MROH1: variants seen among roughly 807,000 people sequenced by gnomAD.
MROH1 encodes the protein maestro heat like repeat family member 1, also known as maestro heat-like repeat-containing protein family member 1.
A neutral mutation model predicts 116.5 loss-of-function variants in MROH1; 117 were observed. The observed-to-expected ratio is 1.00, with a 90% CI of 0.86 to 1.17. The LOEUF (loss-of-function observed/expected upper bound fraction) is 1.17, where lower values mean the gene tolerates loss of function less well. MROH1 is among the 50% of genes most tolerant of loss of function. MROH1 has a pLI of 0.00. For missense variants in MROH1, 1,873 were observed against 1,338.5 expected (o/e 1.40, Z -6.23); for synonymous variants, 921 against 583.9 (o/e 1.58, Z -8.32).
intron 12 of MROH1, 53 bp from the exon 13 acceptor site, chr8:144,220,547 C>G (rs1836488781): frequency 6.6e-7 from 1 of 1,516,028 alleles, no homozygotes; most frequent in South Asian, 1.2e-5. Context: ...TGGAATGGAC[C>G]TTGAGGTCCT....
chr8:144,172,424 T>TC (rs1236238811), intron 4 of MROH1, among the ~76,000 whole-genome samples: 46 of 151,460 alleles, frequency 3.0e-4, no homozygotes, highest in African/African-American at 7.3e-4. Flanking sequence ...TTTTTTTTTT[T>TC]CCCCCGAGAG....
intron 7 of MROH1, among the ~76,000 whole-genome samples, chr8:144,186,598 T>A (rs1827243197): frequency 6.6e-6 from 1 of 152,180 alleles, no homozygotes; most frequent in African/African-American, 2.4e-5. Flanking sequence ...CGAAGCAGAT[T>A]CCTATCACCT....
chr8:144,175,687 C>A, intron 4 of MROH1: 1 of 529,964 alleles, frequency 1.9e-6, no homozygotes, highest in Non-Finnish European at 2.4e-6. Flanking sequence ...ACTTTGGGAG[C>A]CTGAGACAAG....
Position 144,223,268 on chromosome 8 carries a change from G to A in MROH1, c.1338+38G>A, listed in dbSNP as rs72614052. 6,130 of 1,561,286 alleles carry A rather than the reference G, an allele frequency of 3.9e-3. 265 individuals are homozygous for A. The East Asian group carries it at 0.1, about 26-fold the overall frequency. ...CACCTTGCCTGCCTCCTAGGCCCAC[G>A]CTGCCCCTGGCCTGTGTTAGGCACT... On this transcript the variant is annotated intron_variant, in intron 14 of 43. Coordinates refer to ENST00000326134, the MANE Select transcript of MROH1 (RefSeq NM_032450.3).
rs926305573 is a variant in MROH1 at position 144,243,502 on chromosome 8, C to G, written c.2361C>G (p.Ala787=). 1 of 779,668 alleles carries G rather than the reference C, an allele frequency of 1.3e-6. No individual in the cohort carries two copies. The highest frequency in any genetic ancestry group is 2.4e-6 in the Non-Finnish European group (1 of 417,830). 48.3% of individuals were successfully genotyped at this position (779,668 alleles called of 1,614,324 possible). A position where few individuals can be genotyped will look rare whatever the true frequency, so the allele number is the denominator to read the frequency against. Residue 787 remains alanine (A), a synonymous_variant, in exon 25 of 44, where the codon GCC becomes GCG. Coordinates refer to ENST00000326134, the MANE Select transcript of MROH1 (RefSeq NM_032450.3). ...GCCCTGCGTCCCTGCAGGACCCAGC[C>G]CTGAAGCTGTGCCTTGTCCAGAGTG... ...LGIKVETKDP[A]LKLCLVQSVC...
In MROH1 at chr8:144,248,757, C is replaced by G. The variant is rs1037878211; in HGVS notation, c.3121-120C>G. 3.5e-3 allele frequency: 2,469 copies of G among 702,980 alleles called. 42 individuals carry two copies. The African/African-American group carries it at 0.038, about 11-fold the overall frequency. The allele number at this position is 702,980 out of a possible 1,614,324, so 43.5% of individuals were successfully genotyped here. ...GGCGCAGGGCCCAGCGGCTGGGGCC[C>G]GGCTGCAAGAAGGGGTGTGGCTTCC... On this transcript the variant is annotated intron_variant, in intron 31 of 43. Coordinates refer to ENST00000326134, the MANE Select transcript of MROH1 (RefSeq NM_032450.3).
In MROH1 at chr8:144,254,990, T is replaced by G; in HGVS notation, c.3594+12T>G. On this transcript the variant is annotated intron_variant, in intron 34 of 43. Transcript: ENST00000326134. ...TGCTGCCTCTCTCGGTGAGTCGGGC[T>G]CTCGGGGCCACCTTGACACGCTGTC... 1.3e-6 allele frequency: 1 copy of G among 743,980 alleles called. No homozygotes were observed. The highest frequency in any genetic ancestry group is 1.4e-5 in the South Asian group (1 of 70,244). 46.1% of individuals were successfully genotyped at this position (743,980 alleles called of 1,614,324 possible).
At position 144,180,505 on chromosome 8, in the gene MROH1, C is replaced by G. The variant is rs888347234; in HGVS notation, c.544C>G (p.Arg182Gly). 6.2e-7 allele frequency: 1 copy of G among 1,610,876 alleles called. No homozygotes were observed. The highest frequency in any genetic ancestry group is 8.5e-7 in the Non-Finnish European group (1 of 1,179,768). The part of the protein sequence containing the change: ...VLGVAKQDTV[R>G]VAFCSALQRF... Reference sequence around the variant, plus strand: ...GGGCGTGGCCAAGCAGGACACGGTGCGCGTGGCCTTCTGCTCCGGTAAGAG... The same window carrying G: ...GGGCGTGGCCAAGCAGGACACGGTGGGCGTGGCCTTCTGCTCCGGTAAGAG... The change falls in exon 7 of 44, where the codon CGC (arginine) becomes GGC (glycine). Residue 182 changes from arginine (R) to glycine (G), a missense_variant. By Grantham distance (125) the Arg-to-Gly change is moderately radical. Transcript: ENST00000326134. The surrounding 1 kb of genome is among the most constrained non-coding windows in gnomAD (Gnocchi z 7.4).
chr8:144,248,951 C>G lies in MROH1; in HGVS notation c.3195C>G (p.Pro1065=), dbSNP rs1451581633. The change falls in exon 32 of 44, where the codon CCC becomes CCG. Residue 1065 remains proline (P), a synonymous_variant. Transcript: ENST00000326134. The part of the protein sequence containing the change: ...LLTMFEALGD[P]EKNCSRAATV... ...CCATGTTTGAGGCCCTGGGAGACCCCGAAAAGAACTGCTCCCGAGCAGCTA... is the reference window on the plus strand; with the variant it reads ...CCATGTTTGAGGCCCTGGGAGACCCGGAAAAGAACTGCTCCCGAGCAGCTA... 2 of 761,720 alleles carry G rather than the reference C, an allele frequency of 2.6e-6. No individual in the cohort carries two copies. Among genetic ancestry groups the G allele is most frequent in the Non-Finnish European group, 4.9e-6 (2 of 408,698 alleles). The allele number at this position is 761,720 out of a possible 1,614,324, so 47.2% of individuals were successfully genotyped here. A position where few individuals can be genotyped will look rare whatever the true frequency, so the allele number is the denominator to read the frequency against.
intron 11 of MROH1, among the ~76,000 whole-genome samples, chr8:144,199,859 C>T (rs375189775): frequency 6.7e-4 from 102 of 152,314 alleles, no homozygotes; most frequent in African/African-American, 2.3e-3. Context: ...TGACTGCAGC[C>T]AGGCTGGGGG....
rs1825198010 is a variant in MROH1 at position 144,180,125 on chromosome 8, G to A, written c.301-53G>A. The A allele has an allele frequency of 6.2e-7, 1 of 1,604,514 alleles. No homozygotes were observed. Among genetic ancestry groups the A allele is most frequent in the Non-Finnish European group, 8.5e-7 (1 of 1,172,864 alleles). ...TGTCCAAGGCTGGCAGCGACTGAGG[G>A]CAGAATGTCTTGGTCTTGCCTTTTG... On this transcript the variant is annotated intron_variant, in intron 5 of 43. Coordinates refer to ENST00000326134, the MANE Select transcript of MROH1 (RefSeq NM_032450.3). The surrounding 1 kb of genome is among the most constrained non-coding windows in gnomAD (Gnocchi z 7.4).
chr8:144,250,319 C>T lies in MROH1; in HGVS notation c.3381C>T (p.Cys1127=), dbSNP rs1842642783. 9.1e-6 allele frequency: 7 copies of T among 767,670 alleles called. No individual in the cohort carries two copies. Among genetic ancestry groups the T allele is most frequent in the South Asian group, 4.1e-5 (3 of 73,070 alleles). 47.6% of individuals were successfully genotyped at this position (767,670 alleles called of 1,614,324 possible). A position where few individuals can be genotyped will look rare whatever the true frequency, so the allele number is the denominator to read the frequency against. The change falls in exon 33 of 44, where the codon TGC becomes TGT. Residue 1127 remains cysteine, a synonymous_variant. Coordinates refer to ENST00000326134, the MANE Select transcript of MROH1 (RefSeq NM_032450.3). ...HSVYLLATQH[C]AAVVSSLLGS... ...TGTACCTCCTGGCCACCCAGCACTG[C>T]GCAGCCGTGGTGTCCAGCCTCCTGG...
At chr8:144,181,278 A>AGTGATGGGGGAGGGGCCCT (rs1554792511) in intron 7 of MROH1, among the ~76,000 whole-genome samples, 15 of 95,742 alleles carry the variant, frequency 1.6e-4, no homozygotes, top group Non-Finnish European at 2.6e-4. Context: ...GGGAGGACCC[A>AGTGATGGGGGAGGGGCCCT]GTGATGGGGG....
At chr8:144,197,417 CTTTTTTTTTTTTTTTTT>C (rs79749774) in intron 10 of MROH1, among the ~76,000 whole-genome samples, 9 of 42,500 alleles carry the variant, frequency 2.1e-4, no homozygotes, top group Middle Eastern at 0.021. Flanking sequence ...GCTGCAGCAT[CTTTTTTTTTTTTTTTTT>C]TTTTTTTTTT....
At chr8:144,223,721 A>G (rs1837275929) in intron 14 of MROH1, among the ~76,000 whole-genome samples, 1 of 152,232 alleles carries the variant, frequency 6.6e-6, no homozygotes, top group Admixed American at 6.5e-5. Context: ...CAGATGGTCT[A>G]GACAGCCCTC....
chr8:144,154,538 G>T (rs1587707125), intron 1 of MROH1, among the ~76,000 whole-genome samples: 1 of 152,158 alleles, frequency 6.6e-6, no homozygotes, highest in African/African-American at 2.4e-5. Context: ...GGCGTCCCAC[G>T]GTGTGTTAAG....
At chr8:144,233,170 T>C (rs1839271540) in intron 14 of MROH1, among the ~76,000 whole-genome samples, 1 of 151,952 alleles carries the variant, frequency 6.6e-6, no homozygotes, top group Non-Finnish European at 1.5e-5. Flanking sequence ...GATGGTAAAA[T>C]ATCATAAACT....
intron 33 of MROH1, among the ~76,000 whole-genome samples, chr8:144,252,852 A>T (rs1843066766): frequency 6.6e-6 from 1 of 151,826 alleles, no homozygotes; most frequent in East Asian, 1.9e-4. Context: ...GCTACTCGGG[A>T]GGCTGAGGCA....
intron 2 of MROH1, among the ~76,000 whole-genome samples, chr8:144,162,401 T>C (rs538770005): frequency 1.3e-5 from 2 of 150,020 alleles, no homozygotes; most frequent in East Asian, 3.9e-4. Context: ...TTTTCTTTTC[T>C]TTTTTTTTGA....
Sources: gnomAD v4.1 joint callset for allele counts (sites outside exome capture counted in the v4.1 genomes callset) on GRCh38, gnomAD v4.1.1 for gene constraint, Gnocchi (gnomAD v3.1) non-coding constraint, MANE v1.5 for transcripts, NCBI Gene and HGNC (gene_info 2026-07-23, HGNC 2026-07-21) for gene names.